Variants in FH observed in about 807,000 individuals in gnomAD.
The protein encoded by FH is fumarate hydratase, mitochondrial.
In FH, 22 loss-of-function variants were observed where a neutral mutation model predicts 49.4. The ratio of observed to expected loss-of-function variants is 0.45; its 90% CI spans 0.32 to 0.64. The LOEUF is 0.64. Among genes scored for constraint, FH ranks in the 30% least tolerant of loss-of-function variants. The pLI is 0.05. For missense variants in FH, 526 were observed against 641.5 expected, an observed-to-expected ratio of 0.82 and a Z score of 1.95; for synonymous variants, 208 against 223.0, an observed-to-expected ratio of 0.93 and a Z score of 0.60.
chr1:241,501,241 T>C (rs1659772719), intron 8 of FH, among the ~76,000 whole-genome samples: 1 of 152,204 alleles, frequency 6.6e-6, no homozygotes, highest in Non-Finnish European at 1.5e-5. Flanking sequence ...TATCCTCTGG[T>C]CTAAAACTCC....
Position 241,497,685 on chromosome 1 carries a change from G to A in FH, c.*143C>T. 1 of 670,086 alleles carries A rather than the reference G, an allele frequency of 1.5e-6. No individual in the cohort carries two copies. The highest frequency in any genetic ancestry group is 2.5e-6 in the Non-Finnish European group (1 of 395,048). 41.5% of individuals were successfully genotyped at this position (670,086 alleles called of 1,614,324 possible). On this transcript the variant is annotated 3_prime_UTR_variant, in exon 10 of 10. Transcript: ENST00000366560. ...CCATCTTAGACCTAGCACATCCTAG[G>A]GTTTTATATACTGATCAAATTGCTC...
intron 9 of FH, 59 bp downstream of exon 9, chr1:241,500,378 A>T: frequency 6.4e-7 from 1 of 1,552,804 alleles, no homozygotes. Context: ...GTCTCTTAAA[A>T]ATGGTTTAGC....
chr1:241,503,801 C>T (rs910401998), intron 7 of FH, among the ~76,000 whole-genome samples: 1 of 152,240 alleles, frequency 6.6e-6, no homozygotes, highest in Non-Finnish European at 1.5e-5. Context: ...CTTTAACAGC[C>T]TGCTCTACAT....
intron 8 of FH, among the ~76,000 whole-genome samples, chr1:241,501,429 C>T (rs995278892): frequency 2.6e-5 from 4 of 152,068 alleles, no homozygotes; most frequent in Non-Finnish European, 5.9e-5. Flanking sequence ...CTGGGTATCT[C>T]GTGTTAACTG....
intron 7 of FH, among the ~76,000 whole-genome samples, chr1:241,503,272 T>C (rs1276553127): frequency 6.6e-6 from 1 of 152,228 alleles, no homozygotes; most frequent in Non-Finnish European, 1.5e-5. Flanking sequence ...CATGAAGTAC[T>C]TTAAAACAAA....
chr1:241,500,395 A>C, intron 9 of FH, 42 bp downstream of exon 9: 1 of 1,600,728 alleles, frequency 6.2e-7, no homozygotes, highest in African/African-American at 1.3e-5. Context: ...TAGCTTTTTA[A>C]TTTTGCATTC....
In FH at chr1:241,517,189, C is replaced by A. The variant is rs200007371; in HGVS notation, c.260G>T (p.Arg87Leu). 3.7e-6 allele frequency: 6 copies of A among 1,614,114 alleles called. No homozygotes were observed. Among genetic ancestry groups the A allele is most frequent in the Non-Finnish European group, 5.1e-6 (6 of 1,180,024 alleles). ...TCCACAAATGCCACTTACTGGCATG[C>A]GTTCTGTCACACCTCCAATCTTAAA... ...MNFKIGGVTE[R>L]MPTPVIKAFG... Residue 87 changes from arginine to leucine, a missense_variant, in exon 2 of 10, where the codon CGC becomes CTC. Arg to Leu is a moderately radical substitution (Grantham distance 102). Transcript: ENST00000366560.
At chr1:241,509,204 T>C (rs1220030364) in intron 4 of FH, among the ~76,000 whole-genome samples, 1 of 151,716 alleles carries the variant, frequency 6.6e-6, no homozygotes, top group East Asian at 1.9e-4. Flanking sequence ...TATCTTATAA[T>C]TATATCAAAT....
intron 8 of FH, 66 bp from the exon 9 acceptor site, chr1:241,500,656 A>C (rs1361063849): frequency 6.6e-7 from 1 of 1,522,050 alleles, no homozygotes; most frequent in African/African-American, 1.4e-5. Flanking sequence ...CTAAGGCAAC[A>C]TGTTTTTTGT....
intron 5 of FH, among the ~76,000 whole-genome samples, chr1:241,508,272 TA>T (rs1013469827): frequency 6.6e-6 from 1 of 152,160 alleles, no homozygotes; most frequent in Non-Finnish European, 1.5e-5. Context: ...ACAACTATCC[TA>T]TGAAAGGGAA....
intron 8 of FH, 37 bp from the exon 9 acceptor site, chr1:241,500,627 G>GAGAGAC: frequency 6.2e-7 from 1 of 1,608,486 alleles, no homozygotes; most frequent in East Asian, 2.2e-5. Flanking sequence ...GAGAGAGAGA[G>GAGAGAC]AGAGAGAGAG....
intron 3 of FH, among the ~76,000 whole-genome samples, chr1:241,512,917 G>A: frequency 6.6e-6 from 1 of 151,876 alleles, no homozygotes; most frequent in South Asian, 2.1e-4. Flanking sequence ...GAGGGTGTGT[G>A]TGTGTGTGTG....
intron 5 of FH, among the ~76,000 whole-genome samples, chr1:241,507,022 G>C (rs1315415958): frequency 6.6e-6 from 1 of 152,098 alleles, no homozygotes; most frequent in Non-Finnish European, 1.5e-5. Context: ...CATTTCAAAA[G>C]ATATAACTCA....
rs121913121 is a variant in FH at position 241,513,661 on chromosome 1, T to G, written c.320A>C (p.Asn107Thr). 6.8e-6 allele frequency: 11 copies of G among 1,614,112 alleles called. No individual in the cohort carries two copies. The highest frequency in any genetic ancestry group is 8.5e-6 in the Non-Finnish European group (10 of 1,179,980). Residue 107 changes from asparagine to threonine, a missense_variant, in exon 3 of 10, where the codon AAC becomes ACC. Around this residue, in one of 2 missense-constraint regions of FH, gnomAD observed 383 missense variants for 514.0 expected, o/e 0.75. Transcript: ENST00000366560. The stretch of plus-strand genomic sequence containing the variant: ...CTTTGGATCAAGACCATAATCCTGG[T>G]TTACTTCAGCGGCCGCTCGCTTCAA... ...GILKRAAAEV[N>T]QDYGLDPKIA...
intron 3 of FH, 26 bp from the exon 4 acceptor site, chr1:241,512,169 T>G: frequency 1.2e-6 from 2 of 1,603,206 alleles, no homozygotes; most frequent in Non-Finnish European, 1.7e-6. Context: ...TAAAAATGTA[T>G]TTTAAAAAAG....
chr1:241,502,394 A>G (rs542511255), intron 8 of FH, 49 bp downstream of exon 8: 1 of 1,610,222 alleles, frequency 6.2e-7, no homozygotes, highest in African/African-American at 1.3e-5. Context: ...CAAAACCAAG[A>G]TAATAAGCCT....
At position 241,504,157 on chromosome 1, in the gene FH, A is replaced by G. The variant is rs757921798; in HGVS notation, c.993T>C (p.Thr331=). 5.0e-6 allele frequency: 8 copies of G among 1,614,234 alleles called. No individual in the cohort carries two copies. Among genetic ancestry groups the G allele is most frequent in the Non-Finnish European group, 6.8e-6 (8 of 1,180,026 alleles). ...LVELSGAMNT[T]ACSLMKIAND... ...TTGCTATCTTCATCAGACTGCAGGC[A>G]GTAGTGTTCATGGCTCCACTGAGCT... Residue 331 remains threonine, a synonymous_variant, in exon 7 of 10, where the codon ACT becomes ACC. Transcript: ENST00000366560.
intron 4 of FH, among the ~76,000 whole-genome samples, chr1:241,510,530 C>A (rs547455203): frequency 1.3e-5 from 2 of 152,230 alleles, no homozygotes; most frequent in Non-Finnish European, 2.9e-5. Flanking sequence ...GAGAACAAAT[C>A]TTCCTTGCAG....
chr1:241,514,854 A>T (rs1010637876), intron 2 of FH, among the ~76,000 whole-genome samples: 1 of 152,180 alleles, frequency 6.6e-6, no homozygotes. Context: ...CACAAAAACA[A>T]ATGGGAATTT....
Sources: gnomAD v4.1 joint callset for allele counts (sites outside exome capture counted in the v4.1 genomes callset) on GRCh38, gnomAD v4.1.1 for gene constraint, gnomAD v4.1.1 regional missense constraint, MANE v1.5 for transcripts, NCBI Gene and HGNC (gene_info 2026-07-23, HGNC 2026-07-21) for gene names.